Variants in ANAPC1 observed in about 807,000 individuals in gnomAD.
The protein encoded by ANAPC1 is anaphase-promoting complex subunit 1.
ANAPC1 carries 36 observed loss-of-function variants against 208.0 expected under a neutral mutation model. The ratio of observed to expected loss-of-function variants is 0.17; its 90% CI spans 0.13 to 0.23. The LOEUF is 0.23. Ranked by LOEUF, ANAPC1 falls within the 10% of genes least tolerant of loss-of-function variation. The pLI is 1.00. For synonymous variants in ANAPC1, 378 were observed against 695.2 expected, an observed-to-expected ratio of 0.54 and a Z score of 7.18; for missense variants, 942 against 2,011.6, an observed-to-expected ratio of 0.47 and a Z score of 10.17.
intron 16 of ANAPC1, among the ~76,000 whole-genome samples, chr2:111,844,566 T>A (rs1212328553): frequency 3.2e-5 from 3 of 94,180 alleles, no homozygotes; most frequent in African/African-American, 3.1e-5. Flanking sequence ...CGAAACTCTG[T>A]CTCAAAAAAA....
Position 111,780,391 on chromosome 2 carries a change from AAAAC to A in ANAPC1, c.5203-10_5203-7del. 4 of 343,312 alleles carry A rather than the reference AAAAC, an allele frequency of 1.2e-5. No individual in the cohort carries two copies. Among genetic ancestry groups the A allele is most frequent in the Non-Finnish European group, 2.1e-5 (4 of 191,118 alleles). The allele number at this position is 343,312 out of a possible 1,614,324, so 21.3% of individuals were successfully genotyped here. A position where few individuals can be genotyped will look rare whatever the true frequency, so the allele number is the denominator to read the frequency against. Reference sequence around the variant, plus strand: ...AATGCTGAGATTGTTTCTGGCTAAAAAAACAAACAACCACAACAGTATAAGACAA... The same window carrying A: ...AATGCTGAGATTGTTTCTGGCTAAAAAAACAACCACAACAGTATAAGACAA... On this transcript the variant is annotated splice_polypyrimidine_tract_variant and splice_region_variant and intron_variant, in intron 43 of 47. Coordinates refer to ENST00000341068, the MANE Select transcript of ANAPC1 (RefSeq NM_022662.4).
chr2:111,785,100 ATAAAGT>A (rs1323666935), intron 40 of ANAPC1, among the ~76,000 whole-genome samples: 22 of 146,064 alleles, frequency 1.5e-4, no homozygotes, highest in South Asian at 6.7e-4. Flanking sequence ...TGTCAGTCAC[ATAAAGT>A]TAACAGGGAC....
In ANAPC1 at chr2:111,794,085, G is replaced by A; in HGVS notation, c.4511C>T (p.Ala1504Val). 12 of 1,395,592 alleles carry A rather than the reference G, an allele frequency of 8.6e-6. 1 individual carries two copies. The highest frequency in any genetic ancestry group is 1.2e-5 in the Non-Finnish European group (12 of 1,029,840). 86.5% of individuals were successfully genotyped at this position (1,395,592 alleles called of 1,614,324 possible). A position where few individuals can be genotyped will look rare whatever the true frequency, so the allele number is the denominator to read the frequency against. Residue 1504 changes from alanine (A) to valine (V), a missense_variant, in exon 37 of 48, where the codon GCT becomes GTT. Physicochemically the swap from Ala to Val is moderately conservative, Grantham distance 64. Transcript: ENST00000341068. ...AATGATAAAAAGACTTACAACAGAA[G>A]CATTAGGTGCGGACAAATAAGTCAT... Reference protein sequence around the residue: ...DFMTYLSAPNASVTGPHNLET... With the variant: ...DFMTYLSAPNVSVTGPHNLET...
At chr2:111,860,989 C>T (rs1449729126) in intron 10 of ANAPC1, among the ~76,000 whole-genome samples, 1 of 152,224 alleles carries the variant, frequency 6.6e-6, no homozygotes, top group Admixed American at 6.5e-5. Flanking sequence ...TCTGCTCTTT[C>T]CCAAACTTCC....
intron 5 of ANAPC1, 183 bp from the exon 6 acceptor site, chr2:111,872,895 C>G (rs923396373): frequency 1.7e-6 from 1 of 581,668 alleles, no homozygotes; most frequent in African/African-American, 1.9e-5. Flanking sequence ...AAGATAAAAT[C>G]AAATCTAATA....
intron 24 of ANAPC1, among the ~76,000 whole-genome samples, chr2:111,824,240 CAAAA>C (rs1180333720): frequency 5.6e-5 from 4 of 71,266 alleles, no homozygotes; most frequent in African/African-American, 1.5e-4. Context: ...AGGTAAAATG[CAAAA>C]AAAAAAAAAA....
chr2:111,843,852 T>C (rs1302793894), intron 16 of ANAPC1, among the ~76,000 whole-genome samples: 4 of 94,108 alleles, frequency 4.3e-5, no homozygotes, highest in South Asian at 3.9e-4. Flanking sequence ...TGAGAGGGTG[T>C]CTCGCTCTGT....
In ANAPC1 at chr2:111,832,937, C is replaced by CAAAAAAAAAAAAAAAAAAAAAAA. The variant is rs908553180; in HGVS notation, c.2476+282_2476+283insTTTTTTTTTTTTTTTTTTTTTTT. 1.7e-3 allele frequency among the ~76,000 whole-genome samples: 92 copies of CAAAAAAAAAAAAAAAAAAAAAAA among 53,610 alleles called. 11 individuals carry two copies. The highest frequency in any genetic ancestry group is 2.2e-3 in the Admixed American group (8 of 3,588). 35.2% of individuals were successfully genotyped at this position (53,610 alleles called of 152,430 possible). ...TGGGTGACAGAGCGAGACTCAGTCT[C>CAAAAAAAAAAAAAAAAAAAAAAA]AAAAAAAAAAAAAAAAAAAGCATCC... On this transcript the variant is annotated intron_variant, in intron 20 of 47. Coordinates refer to ENST00000341068, the MANE Select transcript of ANAPC1 (RefSeq NM_022662.4).
intron 9 of ANAPC1, among the ~76,000 whole-genome samples, chr2:111,863,263 C>T (rs1439225704): frequency 6.6e-6 from 1 of 151,828 alleles, no homozygotes; most frequent in Non-Finnish European, 1.5e-5. Context: ...AATCCCCGCA[C>T]TTTGGGAGGC....
At chr2:111,846,811 C>A (rs1270776889) in intron 16 of ANAPC1, among the ~76,000 whole-genome samples, 1 of 151,886 alleles carries the variant, frequency 6.6e-6, no homozygotes, top group Non-Finnish European at 1.5e-5. Context: ...CTCAAGCGAT[C>A]CACCCGCCTC....
intron 24 of ANAPC1, among the ~76,000 whole-genome samples, chr2:111,823,138 T>G (rs944656036): frequency 4.0e-5 from 6 of 149,710 alleles, no homozygotes; most frequent in Non-Finnish European, 8.9e-5. Flanking sequence ...GCCTCCCGAG[T>G]AGCTGGGACT....
chr2:111,796,835 T>C (rs1157487031), intron 34 of ANAPC1, among the ~76,000 whole-genome samples: 1 of 126,482 alleles, frequency 7.9e-6, no homozygotes, highest in Non-Finnish European at 1.6e-5. Context: ...TGGAAGCTGA[T>C]AGGAAATATC....
intron 41 of ANAPC1, 96 bp downstream of exon 41, chr2:111,784,227 T>A (rs1677435187): frequency 1.3e-6 from 2 of 1,594,792 alleles, no homozygotes; most frequent in East Asian, 4.5e-5. Context: ...CTACAATACA[T>A]GAAGAAAGCT....
intron 38 of ANAPC1, among the ~76,000 whole-genome samples, chr2:111,792,116 C>T (rs80125903): frequency 6.6e-6 from 1 of 151,278 alleles, no homozygotes; most frequent in Non-Finnish European, 1.5e-5. Flanking sequence ...ACTGAAGAAC[C>T]GAGCACAGAC....
At chr2:111,851,683 C>T (rs1185751397) in intron 13 of ANAPC1, among the ~76,000 whole-genome samples, 60 of 151,690 alleles carry the variant, frequency 4.0e-4, no homozygotes, top group African/African-American at 1.4e-3. Flanking sequence ...TGGTGGCGGG[C>T]GCCTGTAGTC....
chr2:111,790,102 T>A (rs1677798260), intron 38 of ANAPC1, among the ~76,000 whole-genome samples: 3 of 152,270 alleles, frequency 2.0e-5, no homozygotes, highest in South Asian at 2.1e-4. Context: ...AGGGGAAAAT[T>A]AGCCTACACA....
intron 39 of ANAPC1, among the ~76,000 whole-genome samples, chr2:111,786,031 T>C (rs1005124809): frequency 4.6e-5 from 7 of 151,862 alleles, no homozygotes; most frequent in Non-Finnish European, 8.8e-5. Context: ...CTCAAACAGT[T>C]TTTTAAACTT....
At chr2:111,844,584 AAG>A in intron 16 of ANAPC1, among the ~76,000 whole-genome samples, 1 of 151,526 alleles carries the variant, frequency 6.6e-6, no homozygotes, top group African/African-American at 2.4e-5. Context: ...AAAAAAAAAA[AAG>A]TCACTATGAA....
chr2:111,833,427 C>G, intron 19 of ANAPC1, 116 bp from the exon 20 acceptor site: 16 of 1,342,828 alleles, frequency 1.2e-5, no homozygotes, highest in Non-Finnish European at 1.5e-5. Flanking sequence ...AGAAAGATAA[C>G]CAAATCTAGA....
Sources: gnomAD v4.1 joint callset for allele counts (sites outside exome capture counted in the v4.1 genomes callset) on GRCh38, gnomAD v4.1.1 for gene constraint, MANE v1.5 for transcripts, NCBI Gene and HGNC (gene_info 2026-07-23, HGNC 2026-07-21) for gene names.